Variants in COL4A4 observed in about 807,000 individuals in gnomAD.
The protein encoded by COL4A4 is collagen type IV alpha 4 chain, also known as collagen alpha-4(IV) chain.
In COL4A4, 105 loss-of-function variants were observed where a neutral mutation model predicts 192.9. That is an observed-to-expected ratio of 0.54 (90% CI 0.46 to 0.64). The LOEUF (loss-of-function observed/expected upper bound fraction) is 0.64, where lower values mean the gene tolerates loss of function less well. Ranked by LOEUF, COL4A4 falls within the 30% of genes least tolerant of loss-of-function variation. The pLI is 0.00. For missense variants in COL4A4, 1,967 were observed against 2,169.3 expected, an observed-to-expected ratio of 0.91 and a Z score of 1.85; for synonymous variants, 762 against 769.9, an observed-to-expected ratio of 0.99 and a Z score of 0.17.
rs1241404192 is a variant in COL4A4, at chr2:227,060,208, C to T, written c.2092G>A (p.Gly698Arg). ...KGFPGPQGAP[G>R]LSGSDGHKGR... ...TTATGCCCATCTGAACCACTCAGCC[C>T]AGGGGCACCTTGGGGACCTGGAAAT... The change falls in exon 27 of 48, where the codon GGG becomes AGG. Residue 698 changes from glycine to arginine, a missense_variant. By Grantham distance (125) the Gly-to-Arg change is moderately radical. Coordinates refer to ENST00000396625, the MANE Select transcript of COL4A4 (RefSeq NM_000092.5). 2 of 1,612,834 alleles carry T rather than the reference C, an allele frequency of 1.2e-6. No homozygotes were observed. Among genetic ancestry groups the T allele is most frequent in the African/African-American group, 2.7e-5 (2 of 74,630 alleles).
At chr2:227,162,630 A>G (rs925766231) in intron 1 of COL4A4, among the ~76,000 whole-genome samples, 6 of 152,190 alleles carry the variant, frequency 3.9e-5, no homozygotes, top group Non-Finnish European at 5.9e-5. Context: ...AGTTTAATAT[A>G]TGTGCTTTTT....
intron 44 of COL4A4, among the ~76,000 whole-genome samples, chr2:227,018,929 GTTC>G (rs2149821620): frequency 6.6e-6 from 1 of 152,330 alleles, no homozygotes; most frequent in South Asian, 2.1e-4. Context: ...TCTTGTTCTT[GTTC>G]ATGTCAAAGA....
intron 45 of COL4A4, among the ~76,000 whole-genome samples, chr2:227,010,746 A>G (rs1294537041): frequency 6.6e-6 from 1 of 152,254 alleles, no homozygotes; most frequent in Non-Finnish European, 1.5e-5. Context: ...AAGACAAAAA[A>G]CAGAGGAAAA....
chr2:227,026,049 G>A (rs1966848114), intron 42 of COL4A4, among the ~76,000 whole-genome samples: 1 of 152,076 alleles, frequency 6.6e-6, no homozygotes, highest in Admixed American at 6.6e-5. Flanking sequence ...AGAATGACTT[G>A]AAACTCTCTT....
chr2:227,058,328 T>C (rs1228526040), intron 28 of COL4A4, among the ~76,000 whole-genome samples: 1 of 152,152 alleles, frequency 6.6e-6, no homozygotes, highest in Non-Finnish European at 1.5e-5. Flanking sequence ...CTGTGGATAA[T>C]ACTACAAGGG....
intron 4 of COL4A4, among the ~76,000 whole-genome samples, chr2:227,132,803 T>G (rs2062567318): frequency 6.6e-6 from 1 of 152,046 alleles, no homozygotes; most frequent in Admixed American, 6.6e-5. Context: ...AAAAAAAGAT[T>G]GTGTTATAGA....
Position 227,027,915 on chromosome 2 carries a change from G to A in COL4A4, c.4068C>T (p.Pro1356=). The part of the protein sequence containing the change: ...GLPGPPGRKG[P]TGLPGPRGEP... ...TTGGAAGCTCACCCGGAAGACCAGTGGGCCCTTTTCTCCCTGGAGGTCCAG... is the reference window on the plus strand; with the variant it reads ...TTGGAAGCTCACCCGGAAGACCAGTAGGCCCTTTTCTCCCTGGAGGTCCAG... The change falls in exon 42 of 48, where the codon CCC becomes CCT. Residue 1356 remains proline (P), a synonymous_variant. Transcript: ENST00000396625. 6.2e-7 allele frequency: 1 copy of A among 1,612,300 alleles called. No homozygotes were observed. Among genetic ancestry groups the A allele is most frequent in the Non-Finnish European group, 8.5e-7 (1 of 1,178,408 alleles).
At chr2:227,106,417 G>A (rs574869670) in intron 12 of COL4A4, among the ~76,000 whole-genome samples, 4 of 152,174 alleles carry the variant, frequency 2.6e-5, no homozygotes, top group African/African-American at 9.6e-5. Flanking sequence ...TACAAAGAAG[G>A]AAAACTATGA....
At position 227,005,176 on chromosome 2, in the gene COL4A4, C is replaced by T. The variant is rs1961828656; in HGVS notation, c.*2149G>A. 6.6e-6 allele frequency: 1 copy of T among 150,942 alleles called. No homozygotes were observed. The highest frequency in any genetic ancestry group is 1.9e-4 in the East Asian group (1 of 5,166). 9.4% of individuals were successfully genotyped at this position (150,942 alleles called of 1,614,324 possible). On this transcript the variant is annotated 3_prime_UTR_variant, in exon 48 of 48. Coordinates refer to ENST00000396625, the MANE Select transcript of COL4A4 (RefSeq NM_000092.5). Reference sequence around the variant, plus strand: ...CCAAGCTCACTGTGGAGTAAACTGTCTACATAATTTAGCCTGTCTTTGTGT... The same window carrying T: ...CCAAGCTCACTGTGGAGTAAACTGTTTACATAATTTAGCCTGTCTTTGTGT...
downstream of COL4A4, among the ~76,000 whole-genome samples, chr2:227,002,523 T>G (rs1345929647): frequency 6.6e-6 from 1 of 152,186 alleles, no homozygotes; most frequent in Non-Finnish European, 1.5e-5. Flanking sequence ...TCATTTCTCT[T>G]CTGCGCGCCA....
At chr2:227,117,697 G>T (rs928442557) in intron 7 of COL4A4, among the ~76,000 whole-genome samples, 1 of 151,424 alleles carries the variant, frequency 6.6e-6, no homozygotes, top group Non-Finnish European at 1.5e-5. Flanking sequence ...AATAATCTCT[G>T]ATCTTTATTT....
In COL4A4 at chr2:227,144,530, G is replaced by C; in HGVS notation, c.100C>G (p.Gln34Glu). 1 of 1,610,110 alleles carries C rather than the reference G, an allele frequency of 6.2e-7. No homozygotes were observed. Among genetic ancestry groups the C allele is most frequent in the Non-Finnish European group, 8.5e-7 (1 of 1,176,520 alleles). ...AATGTACTTACCCCATATACATATT[G>C]TACAGAAAAGAGAATGAGTATAAGT... Reference protein sequence around the residue: ...WSLILILFSVQYVYGSGKKYI... With the variant: ...WSLILILFSVEYVYGSGKKYI... The change falls in exon 3 of 48, where the codon CAA (glutamine) becomes GAA (glutamate). Residue 34 changes from glutamine (Q) to glutamate (E), a missense_variant. Physicochemically the swap from Gln to Glu is conservative, Grantham distance 29. Coordinates refer to ENST00000396625, the MANE Select transcript of COL4A4 (RefSeq NM_000092.5).
intron 28 of COL4A4, among the ~76,000 whole-genome samples, chr2:227,057,857 T>C (rs1975863370): frequency 6.6e-6 from 1 of 152,232 alleles, no homozygotes; most frequent in Non-Finnish European, 1.5e-5. Context: ...AAGAAACCAC[T>C]TGGTTCTTCC....
intron 37 of COL4A4, among the ~76,000 whole-genome samples, chr2:227,041,842 A>AAAAGAG (rs1971258163): frequency 6.4e-5 from 4 of 62,738 alleles, no homozygotes; most frequent in Non-Finnish European, 1.2e-4. Context: ...GAAAGAAAGA[A>AAAAGAG]AGAAAGAGAA....
chr2:227,043,105 A>C lies in COL4A4; in HGVS notation c.3369T>G (p.Pro1123=), dbSNP rs986546093. The change falls in exon 36 of 48, where the codon CCT becomes CCG. Residue 1123 remains proline, a synonymous_variant. Transcript: ENST00000396625. ...GGCACCCTGGTGGTCCAGAGGAGCCAGGTGGCCCTGGCCTTCCAGGTGATC... is the reference window on the plus strand; with the variant it reads ...GGCACCCTGGTGGTCCAGAGGAGCCCGGTGGCCCTGGCCTTCCAGGTGATC... ...PRGSPGRPGP[P]GSSGPPGCPG... is the part of the protein sequence containing the mutation. 1.9e-6 allele frequency: 3 copies of C among 1,613,818 alleles called. No homozygotes were observed. The Admixed American group carries it at 5.0e-5, about 27-fold the overall frequency.
At chr2:227,085,463 G>T (rs1035902337) in intron 22 of COL4A4, among the ~76,000 whole-genome samples, 1 of 152,086 alleles carries the variant, frequency 6.6e-6, no homozygotes, top group Non-Finnish European at 1.5e-5. Context: ...CTTTTGCTTC[G>T]CTATAAAGAA....
chr2:227,007,621 G>GACAC, intron 47 of COL4A4, 33 bp from the exon 48 acceptor site: 1 of 1,611,950 alleles, frequency 6.2e-7, no homozygotes, highest in Non-Finnish European at 8.5e-7. Flanking sequence ...TTAGGGCTCA[G>GACAC]ACACACACAG....
chr2:227,154,691 C>T (rs930031270), intron 1 of COL4A4, among the ~76,000 whole-genome samples: 1 of 152,208 alleles, frequency 6.6e-6, no homozygotes, highest in African/African-American at 2.4e-5. Context: ...ATATACATTT[C>T]TCTTTCTAAA....
Position 227,055,941 on chromosome 2 carries a change from C to A in COL4A4, c.2716+4G>T. 1 of 1,613,554 alleles carries A rather than the reference C, an allele frequency of 6.2e-7. No homozygotes were observed. Among genetic ancestry groups the A allele is most frequent in the Non-Finnish European group, 8.5e-7 (1 of 1,179,734 alleles). ...GAGGACATCATGGAAAAAGCACTAC[C>A]TACCCTTTGGACCTGGAGGACCAGG... On this transcript the variant is annotated splice_donor_region_variant and intron_variant, in intron 30 of 47. Transcript: ENST00000396625.
Sources: allele counts gnomAD v4.1 joint callset (sites outside exome capture counted in the v4.1 genomes callset), GRCh38; gene constraint gnomAD v4.1.1; transcripts MANE v1.5; gene names NCBI Gene and HGNC (gene_info 2026-07-23, HGNC 2026-07-21).